The following DPF3 variants were observed in gnomAD, a reference collection of about 807,000 sequenced individuals.
The protein encoded by DPF3 is zinc finger protein DPF3.
Under a neutral mutation model 56.8 loss-of-function variants are expected in DPF3, and 18 were observed. The ratio of observed to expected loss-of-function variants is 0.32; its 90% CI spans 0.22 to 0.47. DPF3 has a LOEUF of 0.47. Among genes scored for constraint, DPF3 ranks in the 20% least tolerant of loss-of-function variants. The probability of loss-of-function intolerance (pLI) is 1.00; values close to 1 mark genes in which losing one functional copy is unlikely to be tolerated. For missense variants in DPF3, 403 were observed against 488.8 expected (o/e 0.82, Z 1.65); for synonymous variants, 188 against 180.2 (o/e 1.04, Z -0.35).
chr14:72,676,606 G>A (rs991846486), intron 7 of DPF3, among the ~76,000 whole-genome samples: 30 of 152,138 alleles, frequency 2.0e-4, no homozygotes, highest in African/African-American at 7.2e-4. Flanking sequence ...TGAATCATGG[G>A]GGCAGGTTTT....
intron 1 of DPF3, among the ~76,000 whole-genome samples, chr14:72,772,179 C>A (rs1891563687): frequency 1.3e-5 from 2 of 152,194 alleles, no homozygotes; most frequent in African/African-American, 4.8e-5. Context: ...GAGAGCTGTC[C>A]ATGTTCTAGG....
intron 1 of DPF3, among the ~76,000 whole-genome samples, chr14:72,864,130 T>C (rs968964041): frequency 2.6e-5 from 4 of 152,010 alleles, no homozygotes; most frequent in Non-Finnish European, 5.9e-5. Flanking sequence ...TCCCCTCCTT[T>C]GCATCCCACC....
intron 8 of DPF3, chr14:72,670,970 G>T: frequency 1.6e-6 from 1 of 643,032 alleles, no homozygotes; most frequent in Non-Finnish European, 2.5e-6. Flanking sequence ...AAAACAGAGG[G>T]GTGGGGGGAG....
At chr14:72,863,980 G>A (rs552027588) in intron 1 of DPF3, among the ~76,000 whole-genome samples, 1 of 152,324 alleles carries the variant, frequency 6.6e-6, no homozygotes, top group South Asian at 2.1e-4. Context: ...GAGGTGGGAA[G>A]CCCATGGTGG....
At chr14:72,869,108 C>A (rs936928740) in intron 1 of DPF3, among the ~76,000 whole-genome samples, 1 of 152,236 alleles carries the variant, frequency 6.6e-6, no homozygotes, top group African/African-American at 2.4e-5. Context: ...GGTCCCCCAA[C>A]ATGCACAGGA....
chr14:72,854,527 G>A (rs1885106319), intron 1 of DPF3, among the ~76,000 whole-genome samples: 2 of 152,124 alleles, frequency 1.3e-5, no homozygotes, highest in Admixed American at 1.3e-4. Context: ...CAGTCATAAA[G>A]TAATTAGAAA....
intron 8 of DPF3, among the ~76,000 whole-genome samples, chr14:72,659,868 A>C (rs1423464812): frequency 6.6e-6 from 1 of 152,280 alleles, no homozygotes; most frequent in African/African-American, 2.4e-5. Flanking sequence ...AATACTATTT[A>C]GCCTTCAAAA....
intron 7 of DPF3, among the ~76,000 whole-genome samples, 160 bp from the exon 8 acceptor site, chr14:72,674,528 G>A (rs978251880): frequency 3.3e-5 from 5 of 152,162 alleles, no homozygotes; most frequent in South Asian, 2.1e-4. Flanking sequence ...GGATCCTTCC[G>A]GGTTTAATGG....
intron 1 of DPF3, among the ~76,000 whole-genome samples, chr14:72,868,870 C>T (rs1885783000): frequency 6.6e-6 from 1 of 152,190 alleles, no homozygotes; most frequent in Admixed American, 6.5e-5. Context: ...TCATCCTGAC[C>T]TTCCCGGGCT....
At chr14:72,820,792 C>G (rs750655778) in intron 1 of DPF3, among the ~76,000 whole-genome samples, 4 of 151,996 alleles carry the variant, frequency 2.6e-5, no homozygotes, top group Non-Finnish European at 5.9e-5. Context: ...GTCAGGAGTT[C>G]GAGACCAGCC....
chr14:72,654,328 G>T (rs190904613), intron 8 of DPF3, among the ~76,000 whole-genome samples: 22 of 151,840 alleles, frequency 1.4e-4, no homozygotes, highest in Admixed American at 2.6e-4. Flanking sequence ...CCTTCTATTT[G>T]TCTACCCCAA....
At chr14:72,785,348 C>T (rs1270162592) in intron 1 of DPF3, among the ~76,000 whole-genome samples, 4 of 152,142 alleles carry the variant, frequency 2.6e-5, no homozygotes. Context: ...TATACCCACC[C>T]CCTCACACAC....
At chr14:72,687,115 C>T (rs1439259851) in intron 7 of DPF3, among the ~76,000 whole-genome samples, 1 of 152,226 alleles carries the variant, frequency 6.6e-6, no homozygotes, top group Admixed American at 6.5e-5. Context: ...CCCCTTTCAG[C>T]TCTGCAGAGT....
intron 2 of DPF3, among the ~76,000 whole-genome samples, chr14:72,761,579 A>G (rs1193140411): frequency 6.6e-6 from 1 of 152,014 alleles, no homozygotes; most frequent in Non-Finnish European, 1.5e-5. Flanking sequence ...TGGGGAAATT[A>G]TATCAGAAAA....
chr14:72,697,506 T>C (rs550410053), intron 6 of DPF3, among the ~76,000 whole-genome samples: 1 of 152,258 alleles, frequency 6.6e-6, no homozygotes, highest in South Asian at 2.1e-4. Flanking sequence ...AGTTATCACC[T>C]CTGCAAACTG....
intron 2 of DPF3, among the ~76,000 whole-genome samples, chr14:72,759,809 T>C (rs1890993508): frequency 1.3e-5 from 2 of 151,972 alleles, no homozygotes; most frequent in African/African-American, 4.8e-5. Flanking sequence ...TGTTAACATA[T>C]ACAGGAACAT....
chr14:72,782,021 ATGT>A (rs1330235955), intron 1 of DPF3, among the ~76,000 whole-genome samples: 1 of 152,168 alleles, frequency 6.6e-6, no homozygotes, highest in Non-Finnish European at 1.5e-5. Flanking sequence ...GGGCACTCGG[ATGT>A]TGCCTCCTGA....
At chr14:72,840,819 G>C (rs1301828850) in intron 1 of DPF3, among the ~76,000 whole-genome samples, 3 of 152,138 alleles carry the variant, frequency 2.0e-5, no homozygotes, top group East Asian at 1.9e-4. Flanking sequence ...TTTCCAACCA[G>C]ACAAAAGGCC....
chr14:72,753,361 C>T lies in DPF3; in HGVS notation c.204G>A (p.Pro68=), dbSNP rs532929175. The T allele has an allele frequency of 1.5e-4, 239 of 1,611,198 alleles. No individual in the cohort carries two copies. Among genetic ancestry groups the T allele is most frequent in the Admixed American group, 2.3e-4 (14 of 59,858 alleles). ...GGGCAGGGTATGTATACAGCTGGCC[C>T]GGGGCAAGGCCTGTGGACAGAGACA... The part of the protein sequence containing the change: ...EKRHRGPGLA[P]GQLYTYPARC... Residue 68 remains proline, a synonymous_variant, in exon 3 of 11, where the codon CCG becomes CCA. Coordinates refer to ENST00000556509, the MANE Select transcript of DPF3 (RefSeq NM_001280542.3).
Sources: gnomAD v4.1 joint callset for allele counts (sites outside exome capture counted in the v4.1 genomes callset) on GRCh38, gnomAD v4.1.1 for gene constraint, MANE v1.5 for transcripts, NCBI Gene and HGNC (gene_info 2026-07-23, HGNC 2026-07-21) for gene names.